The following TOM1 variants were observed in gnomAD, a reference collection of about 807,000 sequenced individuals.
TOM1 encodes the protein target of Myb protein 1.
Under a neutral mutation model 61.3 loss-of-function variants are expected in TOM1, and 38 were observed. The ratio of observed to expected loss-of-function variants is 0.62; its 90% CI spans 0.48 to 0.81. The LOEUF (loss-of-function observed/expected upper bound fraction) is 0.81. TOM1 is among the 40% of genes least tolerant of loss of function. The pLI, the probability that TOM1 is intolerant of heterozygous loss-of-function variation, is 0.00. For missense variants in TOM1, 591 were observed against 659.6 expected (o/e 0.90, Z 1.14); for synonymous variants, 270 against 268.8 (o/e 1.00, Z -0.04).
intron 12 of TOM1, among the ~76,000 whole-genome samples, chr22:35,342,766 A>G (rs1435553192): frequency 7.0e-6 from 1 of 142,626 alleles, no homozygotes; most frequent in Non-Finnish European, 1.5e-5. Context: ...CACACCACAC[A>G]CACATCTACA....
In TOM1 at chr22:35,317,905, C is replaced by T. The variant is rs750482002; in HGVS notation, c.81C>T (p.Ser27=). 3.1e-6 allele frequency: 5 copies of T among 1,614,138 alleles called. No homozygotes were observed. The highest frequency in any genetic ancestry group is 2.2e-5 in the South Asian group (2 of 91,082). ...AAGCCACAGATGGCTCCCTGCAGAGCGAGGACTGGGCCCTCAACATGGAGA... is the reference window on the plus strand; with the variant it reads ...AAGCCACAGATGGCTCCCTGCAGAGTGAGGACTGGGCCCTCAACATGGAGA... ...IEKATDGSLQ[S]EDWALNMEIC... Residue 27 remains serine (S), a synonymous_variant, in exon 2 of 15, where the codon AGC becomes AGT. Transcript: ENST00000449058.
At chr22:35,318,768 C>T (rs995348677) in intron 2 of TOM1, among the ~76,000 whole-genome samples, 8 of 152,246 alleles carry the variant, frequency 5.3e-5, no homozygotes, top group African/African-American at 1.9e-4. Context: ...GTGTGGGAGC[C>T]GTGGGCAGCA....
In TOM1 at chr22:35,323,769, C is replaced by A; in HGVS notation, c.503C>A (p.Thr168Asn). Reference sequence around the variant, plus strand: ...CTGATCCTGTTTTCCTCCCACTAGACCGTGTTCAACTCAGAGACACAATCA... The same window carrying A: ...CTGATCCTGTTTTCCTCCCACTAGAACGTGTTCAACTCAGAGACACAATCA... ...MLSPIHTPQR[T>N]VFNSETQSGQ... Residue 168 changes from threonine (T) to asparagine (N), a missense_variant and splice_region_variant, in exon 6 of 15, where the codon ACC becomes AAC. By Grantham distance (65) the Thr-to-Asn change is moderately conservative. Coordinates refer to ENST00000449058, the MANE Select transcript of TOM1 (RefSeq NM_005488.3). The surrounding 1 kb of genome is among the most constrained non-coding windows in gnomAD (Gnocchi z 4.2). 1 of 1,605,726 alleles carries A rather than the reference C, an allele frequency of 6.2e-7. No individual in the cohort carries two copies. Among genetic ancestry groups the A allele is most frequent in the South Asian group, 1.1e-5 (1 of 90,040 alleles).
At chr22:35,325,712 T>C (rs1467650673) in intron 6 of TOM1, among the ~76,000 whole-genome samples, 1 of 152,246 alleles carries the variant, frequency 6.6e-6, no homozygotes, top group Non-Finnish European at 1.5e-5. Context: ...AACTCAGTTA[T>C]GATTTTAACC....
intron 1 of TOM1, among the ~76,000 whole-genome samples, chr22:35,303,645 ACAC>A (rs1483273565): frequency 2.0e-5 from 3 of 151,488 alleles, no homozygotes; most frequent in African/African-American, 7.3e-5. Flanking sequence ...TTAGAGGTGC[ACAC>A]CACCATGCCC....
intron 8 of TOM1, 121 bp downstream of exon 8, chr22:35,330,601 G>A (rs1238194730): frequency 2.8e-6 from 3 of 1,064,574 alleles, no homozygotes; most frequent in African/African-American, 1.6e-5. Flanking sequence ...CAAACACAAG[G>A]CAGGCTCCTA....
intron 12 of TOM1, among the ~76,000 whole-genome samples, chr22:35,339,772 C>T (rs1432624157): frequency 2.0e-5 from 3 of 151,582 alleles, no homozygotes; most frequent in Non-Finnish European, 4.4e-5. Context: ...GGCGTGGTGG[C>T]GGGCGCCTGT....
chr22:35,307,407 C>T lies in TOM1; in HGVS notation c.52+7427C>T, dbSNP rs189207999. On this transcript the variant is annotated intron_variant, in intron 1 of 14. Coordinates refer to ENST00000449058, the MANE Select transcript of TOM1 (RefSeq NM_005488.3). ...CCTCTAAAAATGTCTTTAAGTTTGC[C>T]CATGAGCCCACCTGGCATGATCCCA... Among the ~76,000 whole-genome samples, 590 of 152,254 alleles carry T rather than the reference C, an allele frequency of 3.9e-3. 3 individuals are homozygous for T. The highest frequency in any genetic ancestry group is 6.6e-3 in the Non-Finnish European group (450 of 68,026).
rs772965850 is a variant in TOM1 at position 35,330,325 on chromosome 22, G to A, written c.766-22G>A. 1.3e-5 allele frequency: 21 copies of A among 1,596,928 alleles called. No homozygotes were observed. The African/African-American group carries it at 2.7e-4, about 21-fold the overall frequency. On this transcript the variant is annotated intron_variant, in intron 7 of 14. Transcript: ENST00000449058. ...CACTCTGAGTCATGTGACTGTGGTT[G>A]CCTCACTTCCTTTCCTGGCAGGAGC...
At chr22:35,324,770 G>A (rs1264293305) in intron 6 of TOM1, among the ~76,000 whole-genome samples, 4 of 152,096 alleles carry the variant, frequency 2.6e-5, no homozygotes, top group Non-Finnish European at 1.5e-5. Context: ...GGCTAGTCTC[G>A]AACTCCTGAG....
At chr22:35,343,813 C>T (rs1051211209) in intron 12 of TOM1, among the ~76,000 whole-genome samples, 1 of 144,982 alleles carries the variant, frequency 6.9e-6, no homozygotes, top group Non-Finnish European at 1.5e-5. Flanking sequence ...CACACCTACA[C>T]CTACACATAC....
At chr22:35,322,890 C>A in intron 3 of TOM1, 138 bp from the exon 4 acceptor site, 1 of 1,025,876 alleles carries the variant, frequency 9.7e-7, no homozygotes, top group Non-Finnish European at 1.4e-6. Context: ...CCTCCACATT[C>A]AAGGGTCTCA....
In TOM1 at chr22:35,323,005, G is replaced by C. The variant is rs561239059; in HGVS notation, c.217-23G>C. 50 of 1,612,796 alleles carry C rather than the reference G, an allele frequency of 3.1e-5. No individual in the cohort carries two copies. The highest frequency in any genetic ancestry group is 1.5e-4 in the Admixed American group (9 of 59,902). On this transcript the variant is annotated intron_variant, in intron 3 of 14. Transcript: ENST00000449058. The surrounding 1 kb of genome is among the most constrained non-coding windows in gnomAD (Gnocchi z 4.2). ...CTCCTCTCCTCTGACCAAGGTGCTC[G>C]ACGGCACCTCTCGGCCCTCCAGGTC...
intron 1 of TOM1, 128 bp downstream of exon 1, chr22:35,300,108 C>T (rs1925599236): frequency 2.0e-6 from 2 of 1,020,496 alleles, no homozygotes; most frequent in South Asian, 3.0e-5. Context: ...AGCTCTCCGA[C>T]CTGGCTCCGC....
At chr22:35,306,671 A>C (rs969714918) in intron 1 of TOM1, among the ~76,000 whole-genome samples, 4 of 152,200 alleles carry the variant, frequency 2.6e-5, no homozygotes, top group Non-Finnish European at 4.4e-5. Context: ...GTTGTGCTAT[A>C]AAGCACTTCC....
chr22:35,334,270 A>C, intron 10 of TOM1, 58 bp from the exon 11 acceptor site: 1 of 1,569,690 alleles, frequency 6.4e-7, no homozygotes, highest in South Asian at 1.2e-5. Flanking sequence ...GTAGCTCAGC[A>C]GCAGCTCACA....
chr22:35,334,229 C>T (rs1929086365), intron 10 of TOM1, 99 bp from the exon 11 acceptor site: 2 of 1,495,668 alleles, frequency 1.3e-6, no homozygotes, highest in Non-Finnish European at 1.8e-6. Context: ...CGTGCCACTT[C>T]CCCAGCACCA....
rs772623455 is a variant in TOM1 at position 35,323,486 on chromosome 22, C to T, written c.367-10C>T. 6.2e-7 allele frequency: 1 copy of T among 1,613,764 alleles called. No homozygotes were observed. Among genetic ancestry groups the T allele is most frequent in the East Asian group, 2.2e-5 (1 of 44,872 alleles). On this transcript the variant is annotated splice_polypyrimidine_tract_variant and intron_variant, in intron 4 of 14. Coordinates refer to ENST00000449058, the MANE Select transcript of TOM1 (RefSeq NM_005488.3). The surrounding 1 kb of genome is among the most constrained non-coding windows in gnomAD (Gnocchi z 4.2). ...GTGGTTACCGGCTGTGTCCCCTTGT[C>T]CCCTCTCAGTCCTGGGCTGACGCGT...
rs754841460 is a variant in TOM1 at position 35,323,654 on chromosome 22, A to T, written c.501+24A>T. 1.2e-5 allele frequency: 19 copies of T among 1,613,910 alleles called. No homozygotes were observed. Among genetic ancestry groups the T allele is most frequent in the Non-Finnish European group, 1.6e-5 (19 of 1,179,934 alleles). On this transcript the variant is annotated intron_variant, in intron 5 of 14. Coordinates refer to ENST00000449058, the MANE Select transcript of TOM1 (RefSeq NM_005488.3). The surrounding 1 kb of genome is among the most constrained non-coding windows in gnomAD (Gnocchi z 4.2). ...GGGTGAGAGAACTGCCGTACCGGGA[A>T]CCAAGGGAAGGGAGGCAGGACTCAT...
Sources: allele counts gnomAD v4.1 joint callset (sites outside exome capture counted in the v4.1 genomes callset), GRCh38; gene constraint gnomAD v4.1.1; non-coding constraint Gnocchi (gnomAD v3.1); transcripts MANE v1.5; gene names NCBI Gene and HGNC (gene_info 2026-07-23, HGNC 2026-07-21).